Variants in NPRL3 observed in about 807,000 individuals in gnomAD.
NPRL3 encodes the protein GATOR1 complex protein NPRL3.
Under a neutral mutation model 57.2 loss-of-function variants are expected in NPRL3, and 23 were observed. That is an observed-to-expected ratio of 0.40 (90% CI 0.29 to 0.57). The LOEUF is 0.57. Among genes scored for constraint, NPRL3 ranks in the 20% least tolerant of loss-of-function variants. NPRL3 has a pLI of 0.42. For missense variants in NPRL3, 691 were observed against 767.1 expected, an observed-to-expected ratio of 0.90 and a Z score of 1.17; for synonymous variants, 333 against 321.1, an observed-to-expected ratio of 1.04 and a Z score of -0.39.
At chr16:116,079 C>G (rs1282116717) in intron 5 of NPRL3, among the ~76,000 whole-genome samples, 1 of 152,194 alleles carries the variant, frequency 6.6e-6, no homozygotes, top group East Asian at 1.9e-4. Context: ...GCATCATATG[C>G]TATGCTGTCA....
At chr16:108,886 G>A (rs1380238096) in intron 7 of NPRL3, among the ~76,000 whole-genome samples, 2 of 151,456 alleles carry the variant, frequency 1.3e-5, no homozygotes. Context: ...TAGCCAGGCT[G>A]GTCTCGAACT....
chr16:110,295 A>C (rs1899741023), intron 7 of NPRL3, among the ~76,000 whole-genome samples: 4 of 135,612 alleles, frequency 2.9e-5, no homozygotes, highest in Admixed American at 2.9e-4. Context: ...ATAGAAATAG[A>C]AATAAAAAAT....
intron 9 of NPRL3, among the ~76,000 whole-genome samples, chr16:96,917 A>T (rs1413172144): frequency 6.6e-6 from 1 of 152,068 alleles, no homozygotes; most frequent in African/African-American, 2.4e-5. Context: ...TTCGGGGAAA[A>T]GTGGCCTGAG....
intron 5 of NPRL3, among the ~76,000 whole-genome samples, chr16:114,392 C>T (rs573808302): frequency 1.3e-3 from 204 of 152,300 alleles, no homozygotes; most frequent in Non-Finnish European, 1.7e-3. Context: ...TCACCATACA[C>T]GACATAAAGT....
chr16:92,170 G>A (rs1029845498), intron 11 of NPRL3, among the ~76,000 whole-genome samples: 4 of 152,208 alleles, frequency 2.6e-5, no homozygotes, highest in Non-Finnish European at 4.4e-5. Context: ...AGGGAGTGAA[G>A]ACAGAAGCAG....
At chr16:87,013 A>G in intron 13 of NPRL3, 143 bp from the exon 14 acceptor site, 1 of 831,254 alleles carries the variant, frequency 1.2e-6, no homozygotes, top group Non-Finnish European at 1.8e-6. Context: ...CAGCCACCAC[A>G]GCCCCCCAAC....
intron 3 of NPRL3, among the ~76,000 whole-genome samples, chr16:123,262 G>C (rs918736171): frequency 6.6e-6 from 1 of 152,042 alleles, no homozygotes. Flanking sequence ...GAAGTCTCCC[G>C]GGTGCCAGCC....
intron 9 of NPRL3, among the ~76,000 whole-genome samples, chr16:96,906 T>C (rs1396763213): frequency 6.6e-6 from 1 of 152,198 alleles, no homozygotes; most frequent in Non-Finnish European, 1.5e-5. Context: ...AAAAGGCTGC[T>C]TTCGGGGAAA....
chr16:88,033 C>T (rs878381), intron 13 of NPRL3, among the ~76,000 whole-genome samples: 131,092 of 152,116 alleles, frequency 0.86, 56,680 homozygotes, highest in African/African-American at 0.93. Context: ...GTGTGGTTCT[C>T]AACCGGAAAC....
At chr16:130,212 G>A (rs1483038456) in intron 3 of NPRL3, among the ~76,000 whole-genome samples, 1 of 152,150 alleles carries the variant, frequency 6.6e-6, no homozygotes, top group Non-Finnish European at 1.5e-5. Context: ...CAACAACATA[G>A]GGGTCTGCTT....
intron 3 of NPRL3, among the ~76,000 whole-genome samples, chr16:119,997 T>A (rs1900216247): frequency 6.6e-6 from 1 of 152,188 alleles, no homozygotes; most frequent in Admixed American, 6.5e-5. Flanking sequence ...ATCTGTGCCC[T>A]TCTGTCTCCT....
At chr16:95,956 C>G (rs1314819741) in intron 9 of NPRL3, among the ~76,000 whole-genome samples, 1 of 152,198 alleles carries the variant, frequency 6.6e-6, no homozygotes, top group Non-Finnish European at 1.5e-5. Context: ...GAGTGACCCA[C>G]CAGGGCTGGG....
intron 2 of NPRL3, among the ~76,000 whole-genome samples, chr16:131,501 C>T (rs967032613): frequency 2.1e-5 from 3 of 139,754 alleles, no homozygotes; most frequent in Non-Finnish European, 3.0e-5. Context: ...AAAAATTAGC[C>T]GGGCATGGTG....
At position 137,375 on chromosome 16, in the gene NPRL3, T is replaced by C. The variant is rs1416981770; in HGVS notation, c.118+775A>G. 2.6e-5 allele frequency among the ~76,000 whole-genome samples: 4 copies of C among 152,120 alleles called. No homozygotes were observed. The East Asian group carries it at 5.8e-4, about 22-fold the overall frequency. On this transcript the variant is annotated intron_variant, in intron 2 of 13. Transcript: ENST00000611875. ...GCAGACGGAGCTCCAAGGCCGACTA[T>C]GGGAAAAGGGCGCCACAGAACAATT...
intron 3 of NPRL3, chr16:123,384 C>A: frequency 2.3e-6 from 1 of 436,254 alleles, no homozygotes. Flanking sequence ...CAGTGAGGTC[C>A]ACGCCTGTGT....
chr16:134,294 T>TA (rs920058265), intron 2 of NPRL3, among the ~76,000 whole-genome samples: 3 of 151,284 alleles, frequency 2.0e-5, no homozygotes, highest in Non-Finnish European at 1.5e-5. Flanking sequence ...ATAGGCAAAA[T>TA]AAAAAAAATT....
At chr16:135,608 C>CAAA (rs555589072) in intron 2 of NPRL3, among the ~76,000 whole-genome samples, 28 of 56,656 alleles carry the variant, frequency 4.9e-4, no homozygotes, top group Admixed American at 8.9e-4. Context: ...GACTCTGTCT[C>CAAA]AAAAAAAAAA....
At chr16:98,121 C>A in intron 9 of NPRL3, 24 bp downstream of exon 9, 1 of 1,605,910 alleles carries the variant, frequency 6.2e-7, no homozygotes, top group Non-Finnish European at 8.5e-7. Context: ...CACATGCCAC[C>A]CATCTGGGCC....
intron 3 of NPRL3, among the ~76,000 whole-genome samples, chr16:120,017 T>C (rs147361214): frequency 1.2e-4 from 19 of 152,294 alleles, no homozygotes; most frequent in Non-Finnish European, 7.4e-5. Context: ...TTACTGGCAA[T>C]GCTGATGCCT....
Sources: gnomAD v4.1 joint callset for allele counts (sites outside exome capture counted in the v4.1 genomes callset) on GRCh38, gnomAD v4.1.1 for gene constraint, MANE v1.5 for transcripts, NCBI Gene and HGNC (gene_info 2026-07-23, HGNC 2026-07-21) for gene names.